Variants in TTLL4 observed in about 807,000 individuals in gnomAD.
TTLL4 encodes the protein tubulin tyrosine ligase like 4, also known as tubulin monoglutamylase TTLL4.
TTLL4 carries 85 observed loss-of-function variants against 122.7 expected under a neutral mutation model. The observed-to-expected ratio is 0.69, with a 90% CI of 0.58 to 0.83. The LOEUF is 0.83. Ranked by LOEUF, TTLL4 falls within the 40% of genes least tolerant of loss-of-function variation. The probability of loss-of-function intolerance (pLI) is 0.00; values close to 1 mark genes in which losing one functional copy is unlikely to be tolerated. For synonymous variants in TTLL4, 553 were observed against 563.0 expected (o/e 0.98, Z 0.25); for missense variants, 1,363 against 1,488.6 (o/e 0.92, Z 1.39).
intron 1 of TTLL4, among the ~76,000 whole-genome samples, chr2:218,716,721 G>A (rs1272170314): frequency 6.6e-6 from 1 of 152,100 alleles, no homozygotes; most frequent in Non-Finnish European, 1.5e-5. Context: ...CCCAGGAGGC[G>A]GAGGTTGCAG....
chr2:218,747,913 G>A lies in TTLL4; in HGVS notation c.2378+188G>A. 9.0e-7 allele frequency: 1 copy of A among 1,112,660 alleles called. No homozygotes were observed. The highest frequency in any genetic ancestry group is 1.3e-6 in the Non-Finnish European group (1 of 783,346). 68.9% of individuals were successfully genotyped at this position (1,112,660 alleles called of 1,614,324 possible). On this transcript the variant is annotated intron_variant, in intron 11 of 19. Coordinates refer to ENST00000392102, the MANE Select transcript of TTLL4 (RefSeq NM_014640.5). This position sits in a 1 kb window ranked among gnomAD's most constrained non-coding sequence, Gnocchi z 4.7. Reference sequence around the variant, plus strand: ...GGGTCTTCCTGCATGCGGGACTGAGGTGGGATAAAGGAGATGAGTTTAGCT... The same window carrying A: ...GGGTCTTCCTGCATGCGGGACTGAGATGGGATAAAGGAGATGAGTTTAGCT...
Position 218,743,319 on chromosome 2 carries a change from T to C in TTLL4, c.1662-1790T>C, listed in dbSNP as rs1310756167. Among the ~76,000 whole-genome samples, 3 of 152,280 alleles carry C rather than the reference T, an allele frequency of 2.0e-5. No homozygotes were observed. The East Asian group carries it at 5.8e-4, about 29-fold the overall frequency. ...AGTATGTCACCTTTTGACATTGACG[T>C]TTTTTCATTCAGCATATTCTTTGGA... On this transcript the variant is annotated intron_variant, in intron 5 of 19. Coordinates refer to ENST00000392102, the MANE Select transcript of TTLL4 (RefSeq NM_014640.5).
intron 2 of TTLL4, chr2:218,728,163 T>C (rs1000781731): frequency 4.3e-4 from 2 of 4,672 alleles, no homozygotes; most frequent in African/African-American, 1.8e-3. Flanking sequence ...GGTGGGTGGG[T>C]GGGGGAGGCG....
intron 2 of TTLL4, among the ~76,000 whole-genome samples, chr2:218,731,245 T>C (rs573067670): frequency 1.3e-5 from 2 of 152,208 alleles, no homozygotes; most frequent in African/African-American, 4.8e-5. Flanking sequence ...ACCCCATCTC[T>C]ACTAAAAATA....
At chr2:218,736,628 CCTTT>C (rs925611895) in intron 2 of TTLL4, among the ~76,000 whole-genome samples, 37 of 152,106 alleles carry the variant, frequency 2.4e-4, no homozygotes, top group Middle Eastern at 3.2e-3. Context: ...AGTTCAATTT[CCTTT>C]CTTCTTTTTC....
rs1212607458 is a variant in TTLL4 at position 218,754,397 on chromosome 2, C to A, written c.*8C>A. 1.2e-6 allele frequency: 2 copies of A among 1,613,776 alleles called. No homozygotes were observed. Among genetic ancestry groups the A allele is most frequent in the Non-Finnish European group, 1.7e-6 (2 of 1,180,004 alleles). On this transcript the variant is annotated 3_prime_UTR_variant, in exon 20 of 20. Coordinates refer to ENST00000392102, the MANE Select transcript of TTLL4 (RefSeq NM_014640.5). ...CTGGCTGTGAGCCCATAACTGGCCT[C>A]TCTCCAAAAGCCTCTGCCCAGGAGC...
intron 1 of TTLL4, 69 bp downstream of exon 1, chr2:218,711,106 C>A: frequency 6.5e-6 from 1 of 152,766 alleles, no homozygotes; most frequent in Non-Finnish European, 1.5e-5. Context: ...CCCGACCTCC[C>A]TCTACCTGAG....
rs1338912665 is a variant in TTLL4, at chr2:218,730,335, A to G, written c.-99+2988A>G. On this transcript the variant is annotated intron_variant, in intron 2 of 19. Transcript: ENST00000392102. ...CCAAAAAAAAAAAAAAAAAAAAAAA[A>G]AAAAAAAAAAAAAAGAAAAAAAATT... Among the ~76,000 whole-genome samples, 299 of 144,636 alleles carry G rather than the reference A, an allele frequency of 2.1e-3. 4 individuals are homozygous for G. Among genetic ancestry groups the G allele is most frequent in the African/African-American group, 7.3e-3 (286 of 39,030 alleles). 94.9% of individuals were successfully genotyped at this position (144,636 alleles called of 152,430 possible). A position where few individuals can be genotyped will look rare whatever the true frequency, so the allele number is the denominator to read the frequency against.
chr2:218,742,329 T>C (rs1159642075), intron 5 of TTLL4, among the ~76,000 whole-genome samples: 3 of 152,228 alleles, frequency 2.0e-5, no homozygotes, highest in African/African-American at 7.2e-5. Flanking sequence ...TAAAATACTT[T>C]TGGATTGCTA....
intron 6 of TTLL4, 41 bp from the exon 7 acceptor site, chr2:218,745,650 C>T (rs777059781): frequency 7.4e-7 from 1 of 1,345,400 alleles, no homozygotes; most frequent in South Asian, 1.2e-5. Context: ...CTCTCTGCTC[C>T]TCTCCATCCC....
rs374637618 is a variant in TTLL4, at chr2:218,738,993, T to A, written c.1317T>A (p.Ser439=). Residue 439 remains serine, a synonymous_variant, in exon 3 of 20, where the codon TCT becomes TCA. Transcript: ENST00000392102. ...TCAATCACAACCCTGCCTGTGAATC[T>A]GTAATTGACTCCTCAGCATTTGGAG... ...SGLNHNPACE[S]VIDSSAFGEG... The A allele has an allele frequency of 8.1e-6, 13 of 1,614,074 alleles. No homozygotes were observed. Among genetic ancestry groups the A allele is most frequent in the Non-Finnish European group, 1.0e-5 (12 of 1,180,036 alleles).
chr2:218,726,739 T>C (rs1942209448), intron 1 of TTLL4, among the ~76,000 whole-genome samples: 1 of 152,204 alleles, frequency 6.6e-6, no homozygotes, highest in Admixed American at 6.5e-5. Flanking sequence ...AGTGCTGGGA[T>C]TATAGGCGTG....
chr2:218,731,384 G>A (rs6753308), intron 2 of TTLL4, among the ~76,000 whole-genome samples: 2 of 151,082 alleles, frequency 1.3e-5, no homozygotes, highest in Non-Finnish European at 2.9e-5. Flanking sequence ...ACACTCCAGC[G>A]TGGGCAACAG....
chr2:218,749,817 A>G (rs1391838448), intron 14 of TTLL4, among the ~76,000 whole-genome samples, 192 bp from the exon 15 acceptor site: 1 of 152,144 alleles, frequency 6.6e-6, no homozygotes, highest in Non-Finnish European at 1.5e-5. Flanking sequence ...TTAGCAGATC[A>G]AGGTCATGGG....
Position 218,753,596 on chromosome 2 carries a change from A to G in TTLL4, c.3271A>G (p.Thr1091Ala). 1 of 1,614,184 alleles carries G rather than the reference A, an allele frequency of 6.2e-7. No individual in the cohort carries two copies. Among genetic ancestry groups the G allele is most frequent in the Non-Finnish European group, 8.5e-7 (1 of 1,180,046 alleles). ...CCTTTGCTCTTAGTGGTCTCTCCCG[A>G]CATCACTTCTGACTATCTCAAAGGA... ...SDSAPVWSLP[T>A]SLLTISKDDV... The change falls in exon 19 of 20, where the codon ACA becomes GCA. Residue 1091 changes from threonine (T) to alanine (A), a missense_variant. By Grantham distance (58) the Thr-to-Ala change is moderately conservative. Around this residue, in one of 3 missense-constraint regions of TTLL4, gnomAD observed 596 missense variants for 655.8 expected, o/e 0.91. Transcript: ENST00000392102.
At chr2:218,713,450 A>T (rs1004257282) in intron 1 of TTLL4, among the ~76,000 whole-genome samples, 1 of 152,064 alleles carries the variant, frequency 6.6e-6, no homozygotes, top group Admixed American at 6.6e-5. Flanking sequence ...CTAATTTTTT[A>T]AAATTTTTAG....
At chr2:218,745,614 C>T in intron 6 of TTLL4, 77 bp from the exon 7 acceptor site, 2 of 991,488 alleles carry the variant, frequency 2.0e-6, no homozygotes, top group East Asian at 2.6e-5. Context: ...GGCAGCCATG[C>T]CATCTTTTTT....
At chr2:218,742,744 C>T (rs187427800) in intron 5 of TTLL4, among the ~76,000 whole-genome samples, 8 of 152,346 alleles carry the variant, frequency 5.3e-5, no homozygotes, top group African/African-American at 1.9e-4. Context: ...CCTGTACTGT[C>T]TACTCAGTTT....
chr2:218,740,587 A>G lies in TTLL4; in HGVS notation c.1661+3A>G. 6.2e-7 allele frequency: 1 copy of G among 1,614,158 alleles called. No individual in the cohort carries two copies. The highest frequency in any genetic ancestry group is 8.5e-7 in the Non-Finnish European group (1 of 1,179,974). ...GAATCGGTGGCCATGATCTCTAGGT[A>G]AGTGTGGCTGTATAGATCATTGTTA... On this transcript the variant is annotated splice_donor_region_variant and intron_variant, in intron 5 of 19. Coordinates refer to ENST00000392102, the MANE Select transcript of TTLL4 (RefSeq NM_014640.5).
Sources: gnomAD v4.1 joint callset for allele counts (sites outside exome capture counted in the v4.1 genomes callset) on GRCh38, gnomAD v4.1.1 for gene constraint, gnomAD v4.1.1 regional missense constraint, Gnocchi (gnomAD v3.1) non-coding constraint, MANE v1.5 for transcripts, NCBI Gene and HGNC (gene_info 2026-07-23, HGNC 2026-07-21) for gene names.